The following FAM120B variants were observed in gnomAD, a reference collection of about 807,000 sequenced individuals.
FAM120B encodes the protein family with sequence similarity 120 member B, also known as constitutive coactivator of peroxisome proliferator-activated receptor gamma.
A neutral mutation model predicts 96.3 loss-of-function variants in FAM120B; 83 were observed. The observed-to-expected ratio is 0.86, with a 90% confidence interval of 0.72 to 1.03. The LOEUF is 1.03. Among genes scored for constraint, FAM120B ranks in the 50% least tolerant of loss-of-function variants. FAM120B has a pLI of 0.00. For synonymous variants in FAM120B, 407 were observed against 402.7 expected, an observed-to-expected ratio of 1.01 and a Z score of -0.13; for missense variants, 1,027 against 1,121.2, an observed-to-expected ratio of 0.92 and a Z score of 1.20.
Position 170,368,825 on chromosome 6 carries a change from G to GTC in FAM120B, c.2283+10507_2283+10508insTC, listed in dbSNP as rs541993199. ...GCTCTGCTGTCTGCCGGGGCTGGGG[G>GTC]GGGGGCTCCCTCCTGGCTTGCAGGC... is the stretch of plus-strand genomic sequence containing the variant. On this transcript the variant is annotated intron_variant, in intron 6 of 10. Transcript: ENST00000476287. 2.2e-5 allele frequency among the ~76,000 whole-genome samples: 3 copies of GTC among 136,352 alleles called. No individual in the cohort carries two copies. In the East Asian group the frequency reaches 3.0e-3, roughly 136 times the overall value. The allele number at this position is 136,352 out of a possible 152,430, so 89.5% of individuals were successfully genotyped here.
intron 1 of FAM120B, among the ~76,000 whole-genome samples, chr6:170,296,018 C>G (rs1283188746): frequency 6.6e-6 from 1 of 152,126 alleles, no homozygotes; most frequent in Non-Finnish European, 1.5e-5. Flanking sequence ...CTGGAACCCG[C>G]GGATCATCTG....
chr6:170,295,433 G>C lies in FAM120B; in HGVS notation c.28G>C (p.Ala10Pro), dbSNP rs778851341. Reference sequence around the variant, plus strand: ...GTTTGGACCTCGAGGCTCCACCAGCGCTGGCGCAGGCAGGAAGGAGGTGAG... The same window carrying C: ...GTTTGGACCTCGAGGCTCCACCAGCCCTGGCGCAGGCAGGAAGGAGGTGAG... Residue 10 changes from alanine (A) to proline (P), a missense_variant, in exon 1 of 11, where the codon GCT becomes CCT. Coordinates refer to the FAM120B transcript ENST00000537664. This position sits in a 1 kb window ranked among gnomAD's most constrained non-coding sequence, Gnocchi z 7.8. 1.4e-6 allele frequency: 1 copy of C among 701,800 alleles called. No individual in the cohort carries two copies. Among genetic ancestry groups the C allele is most frequent in the South Asian group, 1.5e-5 (1 of 67,468 alleles). 43.5% of individuals were successfully genotyped at this position (701,800 alleles called of 1,614,324 possible).
intron 3 of FAM120B, among the ~76,000 whole-genome samples, chr6:170,323,697 C>A (rs1371720049): frequency 2.0e-5 from 3 of 152,084 alleles, no homozygotes; most frequent in African/African-American, 7.2e-5. Context: ...TTTTTAAATA[C>A]AAACAATTTT....
upstream of FAM120B, among the ~76,000 whole-genome samples, chr6:170,302,797 T>C (rs1784169683): frequency 6.6e-6 from 1 of 152,236 alleles, no homozygotes; most frequent in South Asian, 2.1e-4. Flanking sequence ...AGGGAAGTGC[T>C]TGCCTGAGCT....
rs1452265921 is a variant in FAM120B at position 170,318,221 on chromosome 6, G to A, written c.831G>A (p.Leu277=). The A allele has an allele frequency of 6.2e-7, 1 of 1,613,686 alleles. No individual in the cohort carries two copies. The highest frequency in any genetic ancestry group is 1.3e-5 in the African/African-American group (1 of 74,936). Residue 277 remains leucine (L), a synonymous_variant, in exon 2 of 11, where the codon TTG becomes TTA. Transcript: ENST00000476287. The part of the protein sequence containing the change: ...VSDHISKVLY[L]YQGEKKLEEI... ...ACCATATATCGAAAGTTCTTTACTT[G>A]TATCAAGGTGAGAAAAAATTAGAAG...
chr6:170,386,082 T>C (rs1446637238), intron 6 of FAM120B, among the ~76,000 whole-genome samples: 1 of 152,104 alleles, frequency 6.6e-6, no homozygotes, highest in Non-Finnish European at 1.5e-5. Flanking sequence ...ACTCGCAGAA[T>C]GTACACCACC....
chr6:170,353,634 A>C (rs1233963272), intron 5 of FAM120B, among the ~76,000 whole-genome samples: 1 of 152,222 alleles, frequency 6.6e-6, no homozygotes, highest in Non-Finnish European at 1.5e-5. Context: ...ATACACCAAC[A>C]ACAGGAAAGC....
At chr6:170,321,806 A>G (rs1395905396) in intron 2 of FAM120B, among the ~76,000 whole-genome samples, 1 of 152,210 alleles carries the variant, frequency 6.6e-6, no homozygotes, top group Admixed American at 6.5e-5. Context: ...TTTTTATTCA[A>G]CCCATTTTCT....
chr6:170,291,195 T>C, upstream of FAM120B: 1 of 561,236 alleles, frequency 1.8e-6, no homozygotes. Context: ...CGCACTCATT[T>C]ACATTCCTGC....
chr6:170,324,853 GTTAT>G, intron 3 of FAM120B, among the ~76,000 whole-genome samples: 1 of 152,272 alleles, frequency 6.6e-6, no homozygotes, highest in East Asian at 1.9e-4. Context: ...TGTATCCTAT[GTTAT>G]TTGTTTGACT....
intron 5 of FAM120B, 81 bp from the exon 6 acceptor site, chr6:170,358,145 T>C: frequency 8.1e-7 from 1 of 1,227,504 alleles, no homozygotes; most frequent in East Asian, 2.6e-5. Context: ...CACACACTCA[T>C]AGTTAATAAC....
chr6:170,383,693 C>T (rs1333916455), intron 6 of FAM120B, among the ~76,000 whole-genome samples: 1 of 152,232 alleles, frequency 6.6e-6, no homozygotes, highest in Admixed American at 6.5e-5. Flanking sequence ...TAGCCTCTTA[C>T]ATGGCTGGTG....
chr6:170,357,978 G>A (rs1754855614), intron 5 of FAM120B, among the ~76,000 whole-genome samples: 1 of 151,978 alleles, frequency 6.6e-6, no homozygotes. Flanking sequence ...ACCTGTGCGT[G>A]TGCCTGTGTG....
chr6:170,348,979 T>G (rs1164870433), intron 5 of FAM120B, among the ~76,000 whole-genome samples: 1 of 152,210 alleles, frequency 6.6e-6, no homozygotes, highest in Non-Finnish European at 1.5e-5. Context: ...GGACTGTTTC[T>G]TTTGCATTAG....
At chr6:170,328,121 C>A (rs1409111709) in intron 3 of FAM120B, among the ~76,000 whole-genome samples, 2 of 152,194 alleles carry the variant, frequency 1.3e-5, no homozygotes, top group Non-Finnish European at 2.9e-5. Flanking sequence ...AACTTTTTGA[C>A]TCTTGTAATT....
chr6:170,293,878 T>A (rs1262538344), upstream of FAM120B, among the ~76,000 whole-genome samples: 1 of 151,870 alleles, frequency 6.6e-6, no homozygotes, highest in Non-Finnish European at 1.5e-5. Flanking sequence ...GTTTAACTCC[T>A]GCGCACCAGT....
intron 9 of FAM120B, among the ~76,000 whole-genome samples, chr6:170,400,861 C>G (rs901811935): frequency 3.9e-5 from 6 of 152,290 alleles, no homozygotes; most frequent in South Asian, 2.1e-4. Flanking sequence ...CCATCTGCTT[C>G]TCCCAGGGCT....
At chr6:170,324,323 C>T (rs1323374001) in intron 3 of FAM120B, among the ~76,000 whole-genome samples, 1 of 152,186 alleles carries the variant, frequency 6.6e-6, no homozygotes, top group Non-Finnish European at 1.5e-5. Flanking sequence ...ATACATACTG[C>T]AAGAGTTCAC....
chr6:170,371,248 T>A (rs1789170382), intron 6 of FAM120B, among the ~76,000 whole-genome samples: 3 of 152,174 alleles, frequency 2.0e-5, no homozygotes, highest in African/African-American at 7.2e-5. Flanking sequence ...TCGCACAGTT[T>A]GTGGCCTTTC....
Sources: gnomAD v4.1 joint callset for allele counts (sites outside exome capture counted in the v4.1 genomes callset) on GRCh38, gnomAD v4.1.1 for gene constraint, Gnocchi (gnomAD v3.1) non-coding constraint, MANE v1.5 for transcripts, NCBI Gene and HGNC (gene_info 2026-07-23, HGNC 2026-07-21) for gene names.